Variants in DNAH2 observed in about 807,000 individuals in gnomAD.
The protein encoded by DNAH2 is dynein axonemal heavy chain 2, also known as axonemal beta dynein heavy chain 2.
Under a neutral mutation model 523.5 loss-of-function variants are expected in DNAH2, and 323 were observed. That is an observed-to-expected ratio of 0.62 (90% CI 0.56 to 0.68). The LOEUF (loss-of-function observed/expected upper bound fraction) is 0.68. DNAH2 is among the 30% of genes least tolerant of loss of function. The pLI is 0.00. For missense variants in DNAH2, 4,907 were observed against 5,701.5 expected, an observed-to-expected ratio of 0.86 and a Z score of 4.49; for synonymous variants, 2,093 against 2,177.4, an observed-to-expected ratio of 0.96 and a Z score of 1.08.
chr17:7,733,655 C>G (rs1353558083), intron 5 of DNAH2, among the ~76,000 whole-genome samples: 1 of 151,522 alleles, frequency 6.6e-6, no homozygotes, highest in African/African-American at 2.4e-5. Flanking sequence ...TTTTTTGTAT[C>G]TTTAGTAGAG....
At position 7,763,990 on chromosome 17, in the gene DNAH2, C is replaced by T. The variant is rs79442311; in HGVS notation, c.3138C>T (p.Arg1046=). ...ATLLREMAAG[R]LLELHTYLKE... ...TGCTCAGGGAGATGGCTGCTGGGCG[C>T]CTCCTGGAGCTGCACACCTACCTGA... Residue 1046 remains arginine (R), a synonymous_variant, in exon 19 of 86, where the codon CGC becomes CGT. Transcript: ENST00000572933. The T allele has an allele frequency of 9.9e-4, 1,599 of 1,614,210 alleles. 28 individuals are homozygous for T. In the East Asian group the frequency reaches 0.023, roughly 23 times the overall value.
rs1329243588 is a variant in DNAH2 at position 7,768,021 on chromosome 17, G to T, written c.3797G>T (p.Gly1266Val). ...QTETMETTAH[G>V]LFRRLTKLAK... ...GAAACCATGGAGACCACGGCCCACG[G>T]GCTGTTTCGTCGCCTCACAAAATTA... The change falls in exon 23 of 86, where the codon GGG (glycine) becomes GTG (valine). Residue 1266 changes from glycine (G) to valine (V), a missense_variant. Physicochemically the swap from Gly to Val is moderately radical, Grantham distance 109. Transcript: ENST00000572933. The T allele has an allele frequency of 6.2e-7, 1 of 1,614,138 alleles. No homozygotes were observed. The highest frequency in any genetic ancestry group is 8.5e-7 in the Non-Finnish European group (1 of 1,180,042).
intron 77 of DNAH2, among the ~76,000 whole-genome samples, chr17:7,827,688 C>G (rs1468667287): frequency 6.6e-6 from 1 of 151,940 alleles, no homozygotes; most frequent in East Asian, 1.9e-4. Flanking sequence ...TCAGGTGATC[C>G]ACCCGCCTCA....
Position 7,780,222 on chromosome 17 carries a change from G to A in DNAH2, c.5788G>A (p.Val1930Met), listed in dbSNP as rs1361960989. 6.2e-7 allele frequency: 1 copy of A among 1,614,194 alleles called. No homozygotes were observed. The highest frequency in any genetic ancestry group is 2.2e-5 in the East Asian group (1 of 44,884). ...CATGTTCCGCCCAATTGCCATGGTG[G>A]TGCCTGACTCCACCCTCATTGCAGA... ...KSMFRPIAMV[V>M]PDSTLIAEII... The change falls in exon 37 of 86, where the codon GTG (valine) becomes ATG (methionine). Residue 1930 changes from valine to methionine, a missense_variant. Physicochemically the swap from Val to Met is conservative, Grantham distance 21 (BLOSUM62 1). Transcript: ENST00000572933. The surrounding 1 kb of genome is among the most constrained non-coding windows in gnomAD (Gnocchi z 4.4).
intron 30 of DNAH2, among the ~76,000 whole-genome samples, chr17:7,775,705 GA>G (rs34099534): frequency 0.72 from 88,283 of 122,922 alleles, 33,741 homozygotes; most frequent in Non-Finnish European, 0.87. Flanking sequence ...AAAAAAAAAA[GA>G]AAAAAAAAAA....
chr17:7,721,004 CTTT>C (rs71159523), intron 2 of DNAH2, among the ~76,000 whole-genome samples: 4 of 109,728 alleles, frequency 3.6e-5, no homozygotes, highest in Non-Finnish European at 3.7e-5. Context: ...TTCTTTCTTT[CTTT>C]TTTTTTTTTT....
chr17:7,761,044 C>T, intron 18 of DNAH2, 112 bp downstream of exon 18: 1 of 1,330,080 alleles, frequency 7.5e-7, no homozygotes, highest in East Asian at 2.3e-5. Context: ...TGACATGTGT[C>T]CTCAATGACA....
chr17:7,757,677 G>GT (rs1204001427), intron 13 of DNAH2, among the ~76,000 whole-genome samples: 1 of 152,188 alleles, frequency 6.6e-6, no homozygotes, highest in Non-Finnish European at 1.5e-5. Context: ...GTCTTAGTCT[G>GT]TTTGGGCTTC....
intron 20 of DNAH2, among the ~76,000 whole-genome samples, chr17:7,765,148 G>A (rs1010814588): frequency 1.3e-5 from 2 of 152,134 alleles, no homozygotes; most frequent in Non-Finnish European, 2.9e-5. Flanking sequence ...CTGGTCTGGA[G>A]GATCAGAAAA....
Position 7,804,400 on chromosome 17 carries a change from G to C in DNAH2, c.9117G>C (p.Gln3039His), listed in dbSNP as rs774696498. 41 of 1,614,082 alleles carry C rather than the reference G, an allele frequency of 2.5e-5. No homozygotes were observed. The highest frequency in any genetic ancestry group is 3.5e-5 in the Non-Finnish European group (41 of 1,180,054). ...EDAKKKVAEFQKQCEEYLVII... is the reference protein window; with the variant it reads ...EDAKKKVAEFHKQCEEYLVII... Reference sequence around the variant, plus strand: ...CCAAGAAGAAGGTGGCTGAGTTCCAGAAGCAGTGTGAGGAGTACCTGGTCA... The same window carrying C: ...CCAAGAAGAAGGTGGCTGAGTTCCACAAGCAGTGTGAGGAGTACCTGGTCA... Residue 3039 changes from glutamine (Q) to histidine (H), a missense_variant, in exon 59 of 86, where the codon CAG (glutamine) becomes CAC (histidine). Physicochemically the swap from Gln to His is conservative, Grantham distance 24 (BLOSUM62 0). Transcript: ENST00000572933.
intron 56 of DNAH2, among the ~76,000 whole-genome samples, chr17:7,799,710 C>T (rs2077170038): frequency 6.6e-6 from 1 of 152,062 alleles, no homozygotes; most frequent in Non-Finnish European, 1.5e-5. Context: ...CCCAGCTACT[C>T]AGGAGGATGA....
At chr17:7,801,786 C>T (rs148232238) in intron 57 of DNAH2, 76 bp downstream of exon 57, 88 of 1,609,052 alleles carry the variant, frequency 5.5e-5, no homozygotes, top group East Asian at 4.7e-4. Flanking sequence ...ATCGCACCCC[C>T]GGCCTCTCTC....
chr17:7,762,331 C>CTTTT (rs35824439), intron 18 of DNAH2, among the ~76,000 whole-genome samples: 14 of 111,794 alleles, frequency 1.3e-4, no homozygotes, highest in East Asian at 2.6e-4. Context: ...CGTAGGATTT[C>CTTTT]TTTTTTTTTT....
rs1446425921 is a variant in DNAH2 at position 7,771,393 on chromosome 17, G to A, written c.4426G>A (p.Val1476Ile). 2 of 1,614,032 alleles carry A rather than the reference G, an allele frequency of 1.2e-6. No individual in the cohort carries two copies. Among genetic ancestry groups the A allele is most frequent in the Non-Finnish European group, 8.5e-7 (1 of 1,179,994 alleles). ...LPNESTLFDQ[V>I]NSNWKAIMDR... Reference sequence around the variant, plus strand: ...CAATGAATCGACCTTATTTGACCAGGTCAACAGCAACTGGAAAGCCATCAT... The same window carrying A: ...CAATGAATCGACCTTATTTGACCAGATCAACAGCAACTGGAAAGCCATCAT... Residue 1476 changes from valine to isoleucine, a missense_variant, in exon 28 of 86, where the codon GTC (valine) becomes ATC (isoleucine). Around this residue, in one of 3 missense-constraint regions of DNAH2, gnomAD observed 2,806 missense variants for 3,190.8 expected, o/e 0.88. Coordinates refer to ENST00000572933, the MANE Select transcript of DNAH2 (RefSeq NM_020877.5).
At position 7,824,562 on chromosome 17, in the gene DNAH2, C is replaced by T; in HGVS notation, c.11688C>T (p.Cys3896=). ...TQGHWVFLAN[C]HLSLSWMPNL... ...GACACTGGGTGTTCCTGGCAAACTG[C>T]CACCTGTCACTGTCTTGGATGCCTA... is the stretch of plus-strand genomic sequence containing the variant. Residue 3896 remains cysteine (C), a synonymous_variant, in exon 77 of 86, where the codon TGC becomes TGT. Transcript: ENST00000572933. The T allele has an allele frequency of 6.4e-7, 1 of 1,574,532 alleles. No homozygotes were observed. Among genetic ancestry groups the T allele is most frequent in the East Asian group, 2.3e-5 (1 of 42,948 alleles).
intron 4 of DNAH2, among the ~76,000 whole-genome samples, chr17:7,728,441 C>T (rs942574235): frequency 1.3e-5 from 2 of 152,104 alleles, no homozygotes; most frequent in African/African-American, 2.4e-5. Context: ...AAGCATTCTG[C>T]GTTGAACATG....
intron 58 of DNAH2, 74 bp downstream of exon 58, chr17:7,802,091 T>C: frequency 1.3e-6 from 2 of 1,582,684 alleles, no homozygotes; most frequent in Non-Finnish European, 1.7e-6. Context: ...GAAATGATGC[T>C]GATGTGCAAG....
Position 7,776,931 on chromosome 17 carries a change from A to C in DNAH2, c.5058+42A>C, listed in dbSNP as rs748818730. On this transcript the variant is annotated intron_variant, in intron 32 of 85. Transcript: ENST00000572933. ...ACTGGCTCATGCTTGTAATCCCAGC[A>C]CTTTGGGAGGCAGAGGTGGTAGGAG... 1.4e-5 allele frequency: 21 copies of C among 1,524,178 alleles called. No homozygotes were observed. In the Admixed American group the frequency reaches 3.4e-4, roughly 24 times the overall value. The allele number at this position is 1,524,178 out of a possible 1,614,324, so 94.4% of individuals were successfully genotyped here.
intron 4 of DNAH2, among the ~76,000 whole-genome samples, chr17:7,732,022 T>C (rs2075003090): frequency 8.6e-6 from 1 of 115,792 alleles, no homozygotes; most frequent in Non-Finnish European, 1.8e-5. Flanking sequence ...ACAGCGAAAC[T>C]TCGTCTCAAA....
Sources: allele counts gnomAD v4.1 joint callset (sites outside exome capture counted in the v4.1 genomes callset), GRCh38; gene constraint gnomAD v4.1.1; regional missense constraint gnomAD v4.1.1; non-coding constraint Gnocchi (gnomAD v3.1); transcripts MANE v1.5; gene names NCBI Gene and HGNC (gene_info 2026-07-23, HGNC 2026-07-21).